Variants in BMAL2 observed in about 807,000 individuals in gnomAD.
BMAL2 encodes the protein basic helix-loop-helix ARNT-like protein 2.
chr12:27,402,607 T>G, the BMAL2 span: 1 of 1,607,164 alleles, frequency 6.2e-7, no homozygotes. Flanking sequence ...CCTATGGTGT[T>G]TTTAATTCTA....
chr12:27,361,427 TTTAACCTAA>T, the BMAL2 span, among the ~76,000 whole-genome samples: 1 of 152,278 alleles, frequency 6.6e-6, no homozygotes, highest in African/African-American at 2.4e-5. Context: ...GATATCTTCG[TTTAACCTAA>T]ATTCTGTATT....
chr12:27,371,157 T>G, the BMAL2 span, among the ~76,000 whole-genome samples: 9 of 152,312 alleles, frequency 5.9e-5, no homozygotes, highest in South Asian at 1.9e-3. Flanking sequence ...CCTGGAAAAG[T>G]TGACTTAAGC....
chr12:27,349,347 G>A, the BMAL2 span, among the ~76,000 whole-genome samples: 4 of 152,144 alleles, frequency 2.6e-5, no homozygotes, highest in African/African-American at 4.8e-5. Context: ...TTAATTCACA[G>A]CAATGATTAC....
chr12:27,380,136 G>A, the BMAL2 span: 1 of 1,063,228 alleles, frequency 9.4e-7, no homozygotes, highest in Non-Finnish European at 1.4e-6. Context: ...CAAGTGGGGA[G>A]GAAGAACAGT....
At chr12:27,415,810 A>G in the BMAL2 span, 1 of 1,165,440 alleles carries the variant, frequency 8.6e-7, no homozygotes, top group Non-Finnish European at 1.3e-6. Context: ...TATTTAGAGG[A>G]GAAAATTTCC....
the BMAL2 span, among the ~76,000 whole-genome samples, chr12:27,343,387 G>A: frequency 1.3e-5 from 2 of 152,172 alleles, no homozygotes; most frequent in African/African-American, 4.8e-5. Flanking sequence ...AACGGAAGGT[G>A]TCTCATCTTG....
the BMAL2 span, among the ~76,000 whole-genome samples, chr12:27,406,810 G>A: frequency 2.0e-5 from 3 of 152,088 alleles, no homozygotes; most frequent in Non-Finnish European, 4.4e-5. Context: ...ATTGTATAAA[G>A]AGTCAAGACC....
At chr12:27,416,036 C>T in the BMAL2 span, 1 of 903,340 alleles carries the variant, frequency 1.1e-6, no homozygotes, top group Non-Finnish European at 1.7e-6. Context: ...GAAAAGAAGC[C>T]ATTCTGTCAA....
At chr12:27,380,110 T>C in the BMAL2 span, 1 of 786,298 alleles carries the variant, frequency 1.3e-6, no homozygotes, top group Admixed American at 2.8e-5. Context: ...CTTCCCTCAC[T>C]GACAACTGCA....
At chr12:27,415,990 C>A in the BMAL2 span, 18 of 1,336,762 alleles carry the variant, frequency 1.3e-5, no homozygotes, top group South Asian at 2.7e-5. Flanking sequence ...AATAAATGAA[C>A]AATAAAATTT....
the BMAL2 span, among the ~76,000 whole-genome samples, chr12:27,377,109 A>G: frequency 6.6e-6 from 1 of 151,894 alleles, no homozygotes; most frequent in Non-Finnish European, 1.5e-5. Flanking sequence ...ACATCTGGCA[A>G]CATCGCCTAT....
the BMAL2 span, among the ~76,000 whole-genome samples, chr12:27,413,423 G>C: frequency 1.3e-5 from 2 of 152,194 alleles, no homozygotes; most frequent in African/African-American, 2.4e-5. Context: ...ATGTGCAGCT[G>C]AAGTTAAATT....
chr12:27,420,249 T>C, the BMAL2 span: 189 of 927,240 alleles, frequency 2.0e-4, no homozygotes, highest in Non-Finnish European at 2.8e-4. Flanking sequence ...GCTTAAGATA[T>C]ATACTTTGCC....
At chr12:27,337,112 T>A in the BMAL2 span, among the ~76,000 whole-genome samples, 1 of 152,180 alleles carries the variant, frequency 6.6e-6, no homozygotes, top group East Asian at 1.9e-4. Flanking sequence ...ATTTCTCTAG[T>A]CTTTAATCTT....
the BMAL2 span, chr12:27,403,602 A>G: frequency 1.8e-6 from 2 of 1,095,722 alleles, no homozygotes; most frequent in African/African-American, 1.6e-5. Flanking sequence ...TAAAATCAAT[A>G]TACAAAAATC....
At chr12:27,381,780 A>T in the BMAL2 span, among the ~76,000 whole-genome samples, 1,042 of 152,292 alleles carry the variant, frequency 6.8e-3, 13 homozygotes, top group African/African-American at 0.024. Flanking sequence ...ATTTGCACTG[A>T]AAAGATAAGA....
chr12:27,341,834 G>A, the BMAL2 span, among the ~76,000 whole-genome samples: 1 of 152,156 alleles, frequency 6.6e-6, no homozygotes, highest in African/African-American at 2.4e-5. Context: ...TAAGAAATCC[G>A]GTGCCCTGTG....
the BMAL2 span, among the ~76,000 whole-genome samples, chr12:27,409,680 A>G: frequency 6.6e-6 from 1 of 152,234 alleles, no homozygotes; most frequent in African/African-American, 2.4e-5. Context: ...GGACATAGGC[A>G]TGGGCAAGGA....
At chr12:27,415,892 A>G in the BMAL2 span, 1 of 1,608,506 alleles carries the variant, frequency 6.2e-7, no homozygotes, top group Non-Finnish European at 8.5e-7. Context: ...TCATACCTTG[A>G]TGATTCGAGT....
Sources: allele counts gnomAD v4.1 joint callset (sites outside exome capture counted in the v4.1 genomes callset), GRCh38; gene constraint gnomAD v4.1.1; transcripts MANE v1.5; gene names NCBI Gene and HGNC (gene_info 2026-07-23, HGNC 2026-07-21).